The following IPO11 variants were observed in gnomAD, a reference collection of about 807,000 sequenced individuals.
IPO11 encodes importin 11, also known as importin-11.
Under a neutral mutation model 143.2 loss-of-function variants are expected in IPO11, and 66 were observed. That is an observed-to-expected ratio of 0.46 (90% CI 0.38 to 0.57). The LOEUF is 0.57. Among genes scored for constraint, IPO11 ranks in the 20% least tolerant of loss-of-function variants. The pLI is 0.00. For missense variants in IPO11, 1,026 were observed against 1,141.0 expected, an observed-to-expected ratio of 0.90 and a Z score of 1.45; for synonymous variants, 385 against 377.8, an observed-to-expected ratio of 1.02 and a Z score of -0.22.
At chr5:62,581,242 C>G (rs1744548665) in intron 27 of IPO11, 3 of 1,539,500 alleles carry the variant, frequency 1.9e-6, no homozygotes, top group Non-Finnish European at 2.6e-6. Flanking sequence ...GCAGATTCGA[C>G]TTCATAAACA....
chr5:62,584,175 A>G (rs947259123), intron 27 of IPO11, among the ~76,000 whole-genome samples: 1 of 152,142 alleles, frequency 6.6e-6, no homozygotes, highest in African/African-American at 2.4e-5. Context: ...CATATCTCTT[A>G]TTTCTGGGAT....
chr5:62,619,580 G>A (rs181214154), intron 29 of IPO11, among the ~76,000 whole-genome samples: 8 of 152,184 alleles, frequency 5.3e-5, no homozygotes, highest in African/African-American at 7.2e-5. Context: ...CAGGCCGGGC[G>A]TGGTGGCTCA....
At chr5:62,586,872 C>T (rs1744815147) in intron 27 of IPO11, among the ~76,000 whole-genome samples, 1 of 146,406 alleles carries the variant, frequency 6.8e-6, no homozygotes, top group African/African-American at 2.5e-5. Context: ...GGTGCTAGCT[C>T]CATAATTACC....
At chr5:62,515,534 T>C (rs1392434223) in intron 20 of IPO11, 33 bp downstream of exon 20, 2 of 1,397,716 alleles carry the variant, frequency 1.4e-6, no homozygotes, top group Non-Finnish European at 1.9e-6. Context: ...TTTTTTAGTT[T>C]AGTGGTTTTT....
At chr5:62,581,492 A>T in intron 27 of IPO11, 1 of 541,462 alleles carries the variant, frequency 1.8e-6, no homozygotes, top group Non-Finnish European at 3.2e-6. Flanking sequence ...TTTGATATAT[A>T]CTGTATTAAG....
intron 27 of IPO11, among the ~76,000 whole-genome samples, chr5:62,583,207 A>G (rs559146491): frequency 1.3e-5 from 2 of 152,148 alleles, no homozygotes; most frequent in Non-Finnish European, 2.9e-5. Context: ...AAATCCAATT[A>G]TGTTTTTTCT....
chr5:62,604,157 T>A (rs1002785658), intron 29 of IPO11, among the ~76,000 whole-genome samples: 1 of 152,210 alleles, frequency 6.6e-6, no homozygotes, highest in Non-Finnish European at 1.5e-5. Flanking sequence ...AATGCATGAC[T>A]ATATATCTCG....
At chr5:62,580,616 G>A (rs1744513682) in intron 27 of IPO11, 1 of 1,551,260 alleles carries the variant, frequency 6.4e-7, no homozygotes, top group South Asian at 1.2e-5. Context: ...TCCATGCGTG[G>A]CAGAGCATTA....
intron 20 of IPO11, among the ~76,000 whole-genome samples, chr5:62,520,321 C>T: frequency 6.6e-6 from 1 of 152,156 alleles, no homozygotes; most frequent in East Asian, 1.9e-4. Context: ...TTGTTATCTA[C>T]ACATTTCCTC....
chr5:62,429,210 C>G (rs1743881822), intron 1 of IPO11, among the ~76,000 whole-genome samples: 1 of 152,090 alleles, frequency 6.6e-6, no homozygotes, highest in Non-Finnish European at 1.5e-5. Context: ...TAATCTACTT[C>G]TTTGTGTTAT....
intron 16 of IPO11, among the ~76,000 whole-genome samples, chr5:62,503,350 A>ACTAATATATTAATAGTATC (rs1561338196): frequency 7.6e-6 from 1 of 131,932 alleles, no homozygotes; most frequent in African/African-American, 2.9e-5. Context: ...AATAGTATCT[A>ACTAATATATTAATAGTATC]TTAATATATT....
intron 5 of IPO11, among the ~76,000 whole-genome samples, chr5:62,461,281 C>G (rs61118775): frequency 0.017 from 2,553 of 152,150 alleles, 66 homozygotes; most frequent in African/African-American, 0.059. Context: ...AAAGAATCAT[C>G]AGGGATGAGA....
chr5:62,469,126 G>A lies in IPO11; in HGVS notation c.650-1124G>A, dbSNP rs375579355. Among the ~76,000 whole-genome samples the A allele has an allele frequency of 2.6e-4, 39 of 152,286 alleles. 1 individual carries two copies. The South Asian group carries it at 7.9e-3, about 31-fold the overall frequency. ...GTGATCTTTGAGCTGTAATCTTAAAGGATAAGTGGAAGTTAACTAGGTGAT... is the reference window on the plus strand; with the variant it reads ...GTGATCTTTGAGCTGTAATCTTAAAAGATAAGTGGAAGTTAACTAGGTGAT... On this transcript the variant is annotated intron_variant, in intron 6 of 29. Transcript: ENST00000325324.
At chr5:62,562,697 C>G (rs1435518849) in intron 27 of IPO11, among the ~76,000 whole-genome samples, 1 of 152,160 alleles carries the variant, frequency 6.6e-6, no homozygotes, top group East Asian at 1.9e-4. Context: ...TTAGAGCATA[C>G]ATATACTAGT....
chr5:62,555,739 G>A (rs564742170), intron 26 of IPO11, among the ~76,000 whole-genome samples: 7 of 152,134 alleles, frequency 4.6e-5, no homozygotes, highest in East Asian at 1.9e-4. Context: ...TCCTGACCTC[G>A]TGATCCGCCT....
At chr5:62,537,044 A>C (rs1042513399) in intron 23 of IPO11, among the ~76,000 whole-genome samples, 165 bp from the exon 24 acceptor site, 1 of 152,044 alleles carries the variant, frequency 6.6e-6, no homozygotes, top group East Asian at 1.9e-4. Context: ...TTTATTTGGC[A>C]TAATCTTTTT....
intron 5 of IPO11, among the ~76,000 whole-genome samples, chr5:62,463,235 AG>A (rs1745437424): frequency 1.3e-5 from 2 of 152,026 alleles, no homozygotes; most frequent in Admixed American, 6.5e-5. Flanking sequence ...TTGTAGAAAA[AG>A]GGTCTCACTT....
chr5:62,487,711 G>T (rs1746461632), intron 12 of IPO11, 60 bp from the exon 13 acceptor site: 1 of 1,341,148 alleles, frequency 7.5e-7, no homozygotes, highest in East Asian at 2.8e-5. Flanking sequence ...CTTTATTAAA[G>T]AATTAGTCAA....
At chr5:62,465,971 G>GT (rs1745561185) in intron 5 of IPO11, among the ~76,000 whole-genome samples, 1 of 152,214 alleles carries the variant, frequency 6.6e-6, no homozygotes, top group African/African-American at 2.4e-5. Flanking sequence ...TAGCTCAGTA[G>GT]TTTTATATTC....
Sources: allele counts gnomAD v4.1 joint callset (sites outside exome capture counted in the v4.1 genomes callset), GRCh38; gene constraint gnomAD v4.1.1; transcripts MANE v1.5; gene names NCBI Gene and HGNC (gene_info 2026-07-23, HGNC 2026-07-21).